The following CANX variants were observed in gnomAD, a reference collection of about 807,000 sequenced individuals.
CANX encodes the protein calnexin.
In CANX, 14 loss-of-function variants were observed where a neutral mutation model predicts 75.7. That is an observed-to-expected ratio of 0.19 (90% CI 0.12 to 0.29). The LOEUF (loss-of-function observed/expected upper bound fraction) is 0.29. CANX is among the 10% of genes least tolerant of loss of function. CANX has a pLI of 1.00. For synonymous variants in CANX, 227 were observed against 236.9 expected (o/e 0.96, Z 0.38); for missense variants, 567 against 713.2 (o/e 0.79, Z 2.34).
At chr5:179,684,542 G>A (rs1216393728) in intron 1 of CANX, among the ~76,000 whole-genome samples, 1 of 151,566 alleles carries the variant, frequency 6.6e-6, no homozygotes, top group Non-Finnish European at 1.5e-5. Context: ...GGGTTTCACT[G>A]TGTTAGCCAG....
At chr5:179,691,085 G>A (rs866572942) in intron 1 of CANX, among the ~76,000 whole-genome samples, 1 of 151,964 alleles carries the variant, frequency 6.6e-6, no homozygotes, top group African/African-American at 2.4e-5. Context: ...GAGTGCAGCA[G>A]CATGATCTTG....
intron 1 of CANX, among the ~76,000 whole-genome samples, chr5:179,703,635 A>C (rs1439177707): frequency 6.6e-6 from 1 of 151,314 alleles, no homozygotes; most frequent in Non-Finnish European, 1.5e-5. Flanking sequence ...TTGTAGAGAC[A>C]GGATAATTTT....
chr5:179,708,812 G>C (rs1777328009), intron 5 of CANX, among the ~76,000 whole-genome samples, 166 bp from the exon 6 acceptor site: 1 of 152,086 alleles, frequency 6.6e-6, no homozygotes, highest in Admixed American at 6.6e-5. Context: ...TTATTTTTGT[G>C]GCATTTGATA....
intron 5 of CANX, 149 bp downstream of exon 5, chr5:179,708,529 G>C (rs370540574): frequency 8.9e-6 from 5 of 559,352 alleles, no homozygotes; most frequent in Middle Eastern, 3.6e-4. Flanking sequence ...GTAATTAATA[G>C]TTTTTCCTGG....
At chr5:179,721,750 TCTACAA>T (rs1778324359) in intron 10 of CANX, among the ~76,000 whole-genome samples, 1 of 152,210 alleles carries the variant, frequency 6.6e-6, no homozygotes. Context: ...ATTTATAATC[TCTACAA>T]AGAGTGGCAA....
intron 4 of CANX, 79 bp from the exon 5 acceptor site, chr5:179,708,160 T>A (rs986805956): frequency 2.4e-5 from 28 of 1,170,852 alleles, no homozygotes; most frequent in Non-Finnish European, 3.4e-5. Flanking sequence ...TTTATGCAAC[T>A]AGGAGGTGTT....
At chr5:179,698,403 A>T, upstream of CANX, 5 of 1,236,588 alleles carry the variant, frequency 4.0e-6, no homozygotes, top group Non-Finnish European at 4.2e-6. Flanking sequence ...GCGCCGGCTC[A>T]CACAGCGCGG....
chr5:179,695,955 A>G (rs1776392840), upstream of CANX, among the ~76,000 whole-genome samples: 1 of 151,786 alleles, frequency 6.6e-6, no homozygotes, highest in Non-Finnish European at 1.5e-5. Flanking sequence ...ATTTTTTTAG[A>G]CAGGGTGTTA....
At chr5:179,701,197 C>A (rs1431840928) in intron 1 of CANX, among the ~76,000 whole-genome samples, 1 of 152,036 alleles carries the variant, frequency 6.6e-6, no homozygotes, top group Non-Finnish European at 1.5e-5. Context: ...ACTTTGGTTT[C>A]CGTAACTTCA....
chr5:179,709,094 A>G, intron 6 of CANX, 35 bp downstream of exon 6: 1 of 1,185,646 alleles, frequency 8.4e-7, no homozygotes, highest in East Asian at 2.3e-5. Context: ...GTGGCTGGAC[A>G]CCCACTATTA....
At chr5:179,695,563 AGGTGATCCACCCGC>A (rs1776382483), upstream of CANX, among the ~76,000 whole-genome samples, 2 of 149,604 alleles carry the variant, frequency 1.3e-5, no homozygotes, top group Non-Finnish European at 3.0e-5. Context: ...TCCTGACCTC[AGGTGATCCACCCGC>A]CTTGGCCTCC....
chr5:179,685,637 CT>C (rs1299483103), intron 1 of CANX, among the ~76,000 whole-genome samples: 1 of 149,474 alleles, frequency 6.7e-6, no homozygotes, highest in Non-Finnish European at 1.5e-5. Flanking sequence ...TCACTGAAAC[CT>C]CTGCCTGCTG....
upstream of CANX, chr5:179,698,296 A>C (rs1776479626): frequency 5.1e-6 from 3 of 587,276 alleles, no homozygotes; most frequent in Non-Finnish European, 6.7e-6. Context: ...TTGAAAGTTC[A>C]AATAACCTCG....
At chr5:179,708,166 G>T in intron 4 of CANX, 73 bp from the exon 5 acceptor site, 2 of 1,221,538 alleles carry the variant, frequency 1.6e-6, no homozygotes, top group Non-Finnish European at 2.4e-6. Flanking sequence ...CAACTAGGAG[G>T]TGTTTTTTTT....
Position 179,729,100 on chromosome 5 carries a change from C to A in CANX, c.*456C>A, listed in dbSNP as rs1227125544. ...TTGGTATTGTAAAACATTCACACCT[C>A]TGTCCCTCAAAATTGATAATTACGT... On this transcript the variant is annotated 3_prime_UTR_variant, in exon 15 of 15. Coordinates refer to ENST00000247461, the MANE Select transcript of CANX (RefSeq NM_001746.4). The A allele has an allele frequency of 4.8e-6, 1 of 206,870 alleles. No homozygotes were observed. The highest frequency in any genetic ancestry group is 1.6e-4 in the East Asian group (1 of 6,418). The allele number at this position is 206,870 out of a possible 1,614,324, so 12.8% of individuals were successfully genotyped here. A position where few individuals can be genotyped will look rare whatever the true frequency, so the allele number is the denominator to read the frequency against.
In CANX at chr5:179,699,122, C is replaced by T. The variant is rs1191885621; in HGVS notation, c.-4+20C>T. The T allele has an allele frequency of 1.5e-5, 15 of 1,029,052 alleles. No individual in the cohort carries two copies. The highest frequency in any genetic ancestry group is 3.5e-5 in the African/African-American group (2 of 57,454). The allele number at this position is 1,029,052 out of a possible 1,614,324, so 63.7% of individuals were successfully genotyped here. On this transcript the variant is annotated intron_variant, in intron 1 of 14. Transcript: ENST00000247461. The stretch of plus-strand genomic sequence containing the variant: ...CTAGAGGTGAGAGGGGAGACCTGAG[C>T]GCGTCCTCGGGCCTGTGAGGACCTC...
chr5:179,712,959 G>A lies in CANX; in HGVS notation c.721+2894G>A, dbSNP rs950501730. Among the ~76,000 whole-genome samples the A allele has an allele frequency of 6.7e-5, 10 of 149,870 alleles. No homozygotes were observed. The East Asian group carries it at 1.6e-3, about 23-fold the overall frequency. ...AATTTTTCTGTTTTTAGTAGAGACC[G>A]GGTTTCACCATGTTGGCCAGGCTGG... is the stretch of plus-strand genomic sequence containing the variant. On this transcript the variant is annotated intron_variant, in intron 7 of 14. Transcript: ENST00000247461.
chr5:179,680,637 C>T (rs1179997776), intron 1 of CANX, among the ~76,000 whole-genome samples: 1 of 152,088 alleles, frequency 6.6e-6, no homozygotes, highest in Non-Finnish European at 1.5e-5. Context: ...AGTCCAAAGT[C>T]CAGATAACAG....
chr5:179,686,306 C>T (rs969597395), intron 1 of CANX, among the ~76,000 whole-genome samples: 1 of 151,772 alleles, frequency 6.6e-6, no homozygotes, highest in African/African-American at 2.4e-5. Flanking sequence ...CCATGTTGGC[C>T]AGGCTGGTCT....
Sources: gnomAD v4.1 joint callset for allele counts (sites outside exome capture counted in the v4.1 genomes callset) on GRCh38, gnomAD v4.1.1 for gene constraint, MANE v1.5 for transcripts, NCBI Gene and HGNC (gene_info 2026-07-23, HGNC 2026-07-21) for gene names.